Variants in CSMD1 observed in about 807,000 individuals in gnomAD.
CSMD1 encodes CUB and sushi domain-containing protein 1.
CSMD1 carries 213 observed loss-of-function variants against 417.5 expected under a neutral mutation model. The ratio of observed to expected loss-of-function variants is 0.51; its 90% CI spans 0.46 to 0.57. CSMD1 has a LOEUF of 0.57. Ranked by LOEUF, CSMD1 falls within the 20% of genes least tolerant of loss-of-function variation. The probability of loss-of-function intolerance (pLI) is 0.00; values close to 1 mark genes in which losing one functional copy is unlikely to be tolerated. For synonymous variants in CSMD1, 2,862 were observed against 1,736.8 expected (o/e 1.65, Z -16.11); for missense variants, 6,923 against 4,529.7 (o/e 1.53, Z -15.17).
chr8:4,974,180 C>G (rs1176237684), intron 1 of CSMD1, among the ~76,000 whole-genome samples: 1 of 116,112 alleles, frequency 8.6e-6, no homozygotes, highest in Non-Finnish European at 1.9e-5. Flanking sequence ...CCACACCCAG[C>G]TAATTTTTTT....
At chr8:3,840,486 T>C (rs367699640) in intron 5 of CSMD1, among the ~76,000 whole-genome samples, 65 of 152,226 alleles carry the variant, frequency 4.3e-4, no homozygotes, top group African/African-American at 1.5e-3. Flanking sequence ...CAATAAATCA[T>C]TGACTGAATA....
At chr8:4,715,228 G>A (rs1461357919) in intron 1 of CSMD1, among the ~76,000 whole-genome samples, 1 of 152,148 alleles carries the variant, frequency 6.6e-6, no homozygotes, top group Non-Finnish European at 1.5e-5. Context: ...GTGTTTTTAT[G>A]AATTTGAATT....
chr8:3,654,236 G>A (rs970050103), intron 7 of CSMD1, among the ~76,000 whole-genome samples: 1 of 152,094 alleles, frequency 6.6e-6, no homozygotes, highest in African/African-American at 2.4e-5. Flanking sequence ...TGTAAACCTT[G>A]GTTTTCAGGG....
chr8:4,217,445 T>C (rs1800751787), intron 3 of CSMD1, among the ~76,000 whole-genome samples: 1 of 152,106 alleles, frequency 6.6e-6, no homozygotes, highest in Non-Finnish European at 1.5e-5. Context: ...AGACACGTTA[T>C]ACCATAGCTA....
intron 1 of CSMD1, among the ~76,000 whole-genome samples, chr8:4,990,537 A>G (rs896745545): frequency 6.6e-6 from 1 of 151,664 alleles, no homozygotes; most frequent in Non-Finnish European, 1.5e-5. Context: ...CTAATTTCGT[A>G]TTTTTTTTGT....
chr8:3,070,510 G>C (rs1432647861), intron 49 of CSMD1, among the ~76,000 whole-genome samples: 2 of 152,112 alleles, frequency 1.3e-5, no homozygotes, highest in African/African-American at 2.4e-5. Flanking sequence ...TCATTATTCT[G>C]AAGTTCAAAG....
chr8:4,270,102 G>C (rs946798695), intron 3 of CSMD1, among the ~76,000 whole-genome samples: 2 of 152,154 alleles, frequency 1.3e-5, no homozygotes, highest in African/African-American at 4.8e-5. Flanking sequence ...CAATATTTCA[G>C]CAATCTCTTT....
At chr8:4,032,990 C>T (rs192512640) in intron 3 of CSMD1, among the ~76,000 whole-genome samples, 10 of 152,132 alleles carry the variant, frequency 6.6e-5, no homozygotes, top group East Asian at 5.8e-4. Flanking sequence ...AATCTGTTTG[C>T]GGAAGCCTGC....
intron 1 of CSMD1, among the ~76,000 whole-genome samples, chr8:4,815,716 AAAG>A (rs1203356419): frequency 4.2e-4 from 63 of 150,192 alleles, no homozygotes; most frequent in Non-Finnish European, 7.5e-4. Context: ...AAAAAAAAAA[AAAG>A]AAGAGAAAGG....
At chr8:3,386,835 AG>A (rs1448300994) in intron 18 of CSMD1, among the ~76,000 whole-genome samples, 2 of 152,168 alleles carry the variant, frequency 1.3e-5, no homozygotes, top group African/African-American at 4.8e-5. Context: ...AAATACCCCA[AG>A]TTTTTTTGGC....
chr8:4,043,270 C>T (rs1432491165), intron 3 of CSMD1, among the ~76,000 whole-genome samples: 2 of 151,888 alleles, frequency 1.3e-5, no homozygotes, highest in Admixed American at 6.6e-5. Context: ...GGAGATAAAA[C>T]GAATCACAGA....
At chr8:4,283,632 T>G (rs1199562623) in intron 3 of CSMD1, among the ~76,000 whole-genome samples, 2 of 152,186 alleles carry the variant, frequency 1.3e-5, no homozygotes, top group Non-Finnish European at 2.9e-5. Context: ...CCAAGAAATG[T>G]GGGTAGAGAT....
chr8:4,252,305 A>C (rs1349688578), intron 3 of CSMD1, among the ~76,000 whole-genome samples: 1 of 152,162 alleles, frequency 6.6e-6, no homozygotes, highest in Non-Finnish European at 1.5e-5. Context: ...ACACTCCAAC[A>C]TTTGTGCAAC....
intron 2 of CSMD1, among the ~76,000 whole-genome samples, chr8:4,556,733 G>A (rs1022722318): frequency 6.6e-6 from 1 of 152,120 alleles, no homozygotes; most frequent in East Asian, 1.9e-4. Flanking sequence ...TTCACAAGAT[G>A]AGCATCGCAA....
chr8:4,177,258 A>C (rs1033134245), intron 3 of CSMD1, among the ~76,000 whole-genome samples: 4 of 152,182 alleles, frequency 2.6e-5, no homozygotes, highest in African/African-American at 9.7e-5. Context: ...ATCAAGCTAG[A>C]ACTCAGGATT....
At chr8:4,865,684 T>C (rs1368055849) in intron 1 of CSMD1, among the ~76,000 whole-genome samples, 1 of 151,778 alleles carries the variant, frequency 6.6e-6, no homozygotes, top group Non-Finnish European at 1.5e-5. Flanking sequence ...TTGGGAGGGG[T>C]ACTTCCATCA....
chr8:2,948,436 A>G (rs1802401909), intron 68 of CSMD1, among the ~76,000 whole-genome samples: 1 of 152,124 alleles, frequency 6.6e-6, no homozygotes, highest in Non-Finnish European at 1.5e-5. Context: ...ATCAAATAGT[A>G]CAGAAAGCTA....
intron 3 of CSMD1, among the ~76,000 whole-genome samples, chr8:4,084,801 A>G (rs1800333214): frequency 6.8e-6 from 1 of 146,674 alleles, no homozygotes; most frequent in South Asian, 2.1e-4. Flanking sequence ...AGTCCTGCTG[A>G]GCAAAAATTC....
chr8:3,032,886 T>G (rs1424906088), intron 50 of CSMD1, among the ~76,000 whole-genome samples: 1 of 152,094 alleles, frequency 6.6e-6, no homozygotes, highest in Non-Finnish European at 1.5e-5. Flanking sequence ...CATTAAAAAT[T>G]TAAAATTTTC....
Sources: gnomAD v4.1 joint callset for allele counts (sites outside exome capture counted in the v4.1 genomes callset) on GRCh38, gnomAD v4.1.1 for gene constraint, MANE v1.5 for transcripts, NCBI Gene and HGNC (gene_info 2026-07-23, HGNC 2026-07-21) for gene names.